Variants in OSBPL8 observed in about 807,000 individuals in gnomAD.
The protein encoded by OSBPL8 is oxysterol binding protein like 8.
Under a neutral mutation model 125.5 loss-of-function variants are expected in OSBPL8, and 59 were observed. The ratio of observed to expected loss-of-function variants is 0.47; its 90% CI spans 0.38 to 0.58. OSBPL8 has a LOEUF of 0.58. Among genes scored for constraint, OSBPL8 ranks in the 20% least tolerant of loss-of-function variants. The pLI is 0.00. For synonymous variants in OSBPL8, 330 were observed against 338.9 expected, an observed-to-expected ratio of 0.97 and a Z score of 0.29; for missense variants, 758 against 1,047.8, an observed-to-expected ratio of 0.72 and a Z score of 3.82.
Position 76,551,416 on chromosome 12 carries a change from G to A in OSBPL8, c.-68+7981C>T, listed in dbSNP as rs550013755. ...CTAGCATCTAGTGAGTAGAGGCCAG[G>A]GATGGTGCTATACATTCTACAATGC... On this transcript the variant is annotated intron_variant, in intron 1 of 23. Transcript: ENST00000261183. 7.2e-5 allele frequency among the ~76,000 whole-genome samples: 11 copies of A among 152,174 alleles called. No individual in the cohort carries two copies. The East Asian group carries it at 1.9e-3, about 27-fold the overall frequency.
intron 10 of OSBPL8, among the ~76,000 whole-genome samples, 174 bp from the exon 11 acceptor site, chr12:76,390,831 G>A (rs1486947244): frequency 6.6e-6 from 1 of 152,150 alleles, no homozygotes; most frequent in African/African-American, 2.4e-5. Flanking sequence ...GAGATAGGTA[G>A]TATTATTATT....
At chr12:76,387,940 T>G (rs944612169) in intron 12 of OSBPL8, among the ~76,000 whole-genome samples, 1 of 152,212 alleles carries the variant, frequency 6.6e-6, no homozygotes, top group African/African-American at 2.4e-5. Context: ...CCTCTATAGG[T>G]AACTTTTTAA....
At chr12:76,487,200 T>C (rs1215297313) in intron 2 of OSBPL8, among the ~76,000 whole-genome samples, 1 of 151,870 alleles carries the variant, frequency 6.6e-6, no homozygotes, top group Non-Finnish European at 1.5e-5. Context: ...TGGCTAATTT[T>C]TGTATTTTTA....
rs528558153 is a variant in OSBPL8, at chr12:76,401,035, C to T, written c.367-1061G>A. Among the ~76,000 whole-genome samples the T allele has an allele frequency of 8.2e-4, 125 of 151,976 alleles. 1 individual carries two copies. The highest frequency in any genetic ancestry group is 2.5e-3 in the South Asian group (12 of 4,808). ...AACTCCTGGCCTCAAGTGATCCGCC[C>T]GCCTCTCAAAGTGCTGGGATTACAG... On this transcript the variant is annotated intron_variant, in intron 6 of 23. Transcript: ENST00000261183.
At chr12:76,525,644 A>G (rs934864578) in intron 1 of OSBPL8, among the ~76,000 whole-genome samples, 1 of 152,210 alleles carries the variant, frequency 6.6e-6, no homozygotes, top group Non-Finnish European at 1.5e-5. Flanking sequence ...AATATGACAA[A>G]TATTTTAACT....
At chr12:76,523,016 TTTGTAGAGACGGGGTC>T (rs1450408572) in intron 1 of OSBPL8, among the ~76,000 whole-genome samples, 1 of 152,146 alleles carries the variant, frequency 6.6e-6, no homozygotes, top group Non-Finnish European at 1.5e-5. Context: ...TTTTGTATTT[TTTGTAGAGACGGGGTC>T]TTGCCCTGTT....
intron 2 of OSBPL8, among the ~76,000 whole-genome samples, chr12:76,462,859 A>C (rs1422095365): frequency 6.6e-6 from 1 of 152,200 alleles, no homozygotes; most frequent in Non-Finnish European, 1.5e-5. Flanking sequence ...GATGCAAGCA[A>C]GTCTGGAATG....
intron 15 of OSBPL8, among the ~76,000 whole-genome samples, chr12:76,380,699 T>C (rs748870559): frequency 3.3e-5 from 5 of 152,194 alleles, no homozygotes; most frequent in Admixed American, 6.5e-5. Flanking sequence ...GGTATATAAA[T>C]AGCTTATCTT....
intron 1 of OSBPL8, among the ~76,000 whole-genome samples, chr12:76,536,452 T>C (rs1458611270): frequency 6.6e-6 from 1 of 152,106 alleles, no homozygotes; most frequent in African/African-American, 2.4e-5. Flanking sequence ...ACTCACAGGA[T>C]AGCTGTAAAA....
intron 2 of OSBPL8, among the ~76,000 whole-genome samples, chr12:76,465,433 GCCTATAGT>G (rs1592730393): frequency 6.6e-6 from 1 of 151,946 alleles, no homozygotes; most frequent in East Asian, 1.9e-4. Context: ...GGTGGCGGGC[GCCTATAGT>G]CCTAGCTACT....
intron 1 of OSBPL8, among the ~76,000 whole-genome samples, chr12:76,509,223 G>C (rs1048208994): frequency 6.6e-6 from 1 of 152,094 alleles, no homozygotes; most frequent in East Asian, 1.9e-4. Flanking sequence ...GGACCAATGG[G>C]CTATAGCATA....
intron 1 of OSBPL8, among the ~76,000 whole-genome samples, chr12:76,529,810 G>T (rs1950283719): frequency 6.6e-6 from 1 of 152,184 alleles, no homozygotes; most frequent in Non-Finnish European, 1.5e-5. Context: ...GCCTATGCAA[G>T]GCAGGAACAT....
intron 1 of OSBPL8, among the ~76,000 whole-genome samples, chr12:76,529,608 A>G (rs1592859732): frequency 6.6e-6 from 1 of 152,326 alleles, no homozygotes; most frequent in East Asian, 1.9e-4. Flanking sequence ...ATCTGAATAC[A>G]TCGTTGAAAC....
At chr12:76,505,986 C>T (rs1050624989) in intron 1 of OSBPL8, among the ~76,000 whole-genome samples, 15 of 152,194 alleles carry the variant, frequency 9.9e-5, no homozygotes, top group Admixed American at 7.2e-4. Flanking sequence ...AAGTAGAATG[C>T]TATCACTATA....
chr12:76,516,570 A>G (rs1881552061), intron 1 of OSBPL8, among the ~76,000 whole-genome samples: 1 of 152,210 alleles, frequency 6.6e-6, no homozygotes, highest in Non-Finnish European at 1.5e-5. Context: ...TTAAACCCCA[A>G]AAAAGTAAAA....
chr12:76,532,654 A>C (rs1418101073), intron 1 of OSBPL8, among the ~76,000 whole-genome samples: 1 of 152,086 alleles, frequency 6.6e-6, no homozygotes, highest in African/African-American at 2.4e-5. Context: ...TTGGGAAAGG[A>C]ACATCCCTCC....
chr12:76,378,259 T>C (rs933716154), intron 16 of OSBPL8, among the ~76,000 whole-genome samples, 193 bp downstream of exon 16: 1 of 151,854 alleles, frequency 6.6e-6, no homozygotes, highest in Admixed American at 6.6e-5. Flanking sequence ...AAAGAGTCCA[T>C]TACAGGTGAA....
chr12:76,365,869 C>A (rs1409232027), intron 21 of OSBPL8, among the ~76,000 whole-genome samples: 1 of 152,054 alleles, frequency 6.6e-6, no homozygotes, highest in Non-Finnish European at 1.5e-5. Context: ...TGATTTTCCC[C>A]CCTCTTAATG....
intron 21 of OSBPL8, among the ~76,000 whole-genome samples, chr12:76,363,562 G>A (rs1429125582): frequency 6.6e-6 from 1 of 152,186 alleles, no homozygotes; most frequent in African/African-American, 2.4e-5. Context: ...AAACGCAGAA[G>A]AAAACCTAGG....
Sources: gnomAD v4.1 joint callset for allele counts (sites outside exome capture counted in the v4.1 genomes callset) on GRCh38, gnomAD v4.1.1 for gene constraint, MANE v1.5 for transcripts, NCBI Gene and HGNC (gene_info 2026-07-23, HGNC 2026-07-21) for gene names.